Variants in KIAA1755 observed in about 807,000 individuals in gnomAD.
KIAA1755 encodes the protein uncharacterized protein KIAA1755.
A neutral mutation model predicts 91.7 loss-of-function variants in KIAA1755; 68 were observed. That is an observed-to-expected ratio of 0.74 (90% CI 0.61 to 0.91). The LOEUF is 0.91. Among genes scored for constraint, KIAA1755 ranks in the 40% least tolerant of loss-of-function variants. The probability of loss-of-function intolerance (pLI) is 0.00; values close to 1 mark genes in which losing one functional copy is unlikely to be tolerated. For missense variants in KIAA1755, 1,535 were observed against 1,494.4 expected (o/e 1.03, Z -0.45); for synonymous variants, 610 against 604.6 (o/e 1.01, Z -0.13).
chr20:38,259,740 T>TACAA (rs2076408652), intron 1 of KIAA1755, among the ~76,000 whole-genome samples: 4 of 151,462 alleles, frequency 2.6e-5, no homozygotes, highest in Non-Finnish European at 5.9e-5. Flanking sequence ...GGAGCTGGGC[T>TACAA]GAAATCCTCC....
At chr20:38,231,170 G>T (rs772302731) in intron 5 of KIAA1755, 32 bp downstream of exon 5, 10 of 1,597,690 alleles carry the variant, frequency 6.3e-6, no homozygotes, top group Non-Finnish European at 3.4e-6. Flanking sequence ...TTGAGGTGGG[G>T]ATGGAGCAGT....
At chr20:38,230,179 G>T (rs1436787871) in intron 5 of KIAA1755, among the ~76,000 whole-genome samples, 2 of 152,208 alleles carry the variant, frequency 1.3e-5, no homozygotes, top group East Asian at 3.8e-4. Context: ...GGTGGCAGGG[G>T]TAGGAGTGTT....
chr20:38,225,514 A>C (rs1365260392), intron 8 of KIAA1755, 151 bp downstream of exon 8: 1 of 660,466 alleles, frequency 1.5e-6, no homozygotes, highest in Non-Finnish European at 2.7e-6. Context: ...CTGAGCTCTT[A>C]ATCATTTGAC....
chr20:38,231,196 C>G lies in KIAA1755; in HGVS notation c.1871+6G>C. On this transcript the variant is annotated splice_donor_region_variant and intron_variant, in intron 5 of 13. Transcript: ENST00000279024. Reference sequence around the variant, plus strand: ...ATGGAGCAGTCAGGGTGGCCCAGATCCTTACCTGGGGATGGTACACAGGTA... The same window carrying G: ...ATGGAGCAGTCAGGGTGGCCCAGATGCTTACCTGGGGATGGTACACAGGTA... 4 of 1,611,196 alleles carry G rather than the reference C, an allele frequency of 2.5e-6. No homozygotes were observed. The highest frequency in any genetic ancestry group is 3.4e-6 in the Non-Finnish European group (4 of 1,178,656).
intron 1 of KIAA1755, among the ~76,000 whole-genome samples, chr20:38,254,881 A>C (rs890839734): frequency 6.6e-6 from 1 of 151,990 alleles, no homozygotes; most frequent in African/African-American, 2.4e-5. Flanking sequence ...AGAAGGTTTA[A>C]AAAGATCTGT....
chr20:38,219,593 C>A, intron 11 of KIAA1755, 37 bp downstream of exon 11: 1 of 1,611,074 alleles, frequency 6.2e-7, no homozygotes, highest in Non-Finnish European at 8.5e-7. Flanking sequence ...TGTGGCCAGG[C>A]AGAACCCCCA....
chr20:38,234,162 T>C (rs1467819299), intron 4 of KIAA1755, among the ~76,000 whole-genome samples: 2 of 152,196 alleles, frequency 1.3e-5, no homozygotes, highest in African/African-American at 4.8e-5. Context: ...ATGGCAGTCC[T>C]GGGACACTAA....
Position 38,222,446 on chromosome 20 carries a change from T to C in KIAA1755, c.2417+3A>G. On this transcript the variant is annotated splice_donor_region_variant and intron_variant, in intron 10 of 13. Coordinates refer to ENST00000279024, the MANE Select transcript of KIAA1755 (RefSeq NM_001029864.2). Reference sequence around the variant, plus strand: ...GGAAGAGGAAAGGCCTGGACGTCTGTACCTGACATCAGGGCTGAAGTCCAG... The same window carrying C: ...GGAAGAGGAAAGGCCTGGACGTCTGCACCTGACATCAGGGCTGAAGTCCAG... 6.2e-7 allele frequency: 1 copy of C among 1,612,318 alleles called. No homozygotes were observed. The highest frequency in any genetic ancestry group is 1.1e-5 in the South Asian group (1 of 90,964).
intron 1 of KIAA1755, among the ~76,000 whole-genome samples, chr20:38,252,591 T>C (rs1428802216): frequency 6.6e-6 from 1 of 152,164 alleles, no homozygotes; most frequent in African/African-American, 2.4e-5. Flanking sequence ...CCCCTCTGCC[T>C]GGGGACCACC....
rs773714000 is a variant in KIAA1755, at chr20:38,214,968, C to T, written c.2902-1225G>A. On this transcript the variant is annotated intron_variant, in intron 13 of 13. Coordinates refer to ENST00000279024, the MANE Select transcript of KIAA1755 (RefSeq NM_001029864.2). ...ATGGCTTCATATTCGTGCAAGCACA[C>T]GGAGCTCATGGCCGGGAAAGAGCTC... Among the ~76,000 whole-genome samples, 121 of 152,318 alleles carry T rather than the reference C, an allele frequency of 7.9e-4. 1 individual carries two copies. The highest frequency in any genetic ancestry group is 2.9e-4 in the Non-Finnish European group (20 of 68,036).
At chr20:38,251,132 AAAAAT>A (rs1179317700) in intron 1 of KIAA1755, among the ~76,000 whole-genome samples, 3 of 152,158 alleles carry the variant, frequency 2.0e-5, no homozygotes, top group African/African-American at 7.2e-5. Flanking sequence ...TTTAAAAAAT[AAAAAT>A]AAACAATGAA....
chr20:38,223,476 C>A (rs778362449), intron 9 of KIAA1755, 62 bp downstream of exon 9: 73 of 1,172,716 alleles, frequency 6.2e-5, no homozygotes, highest in Non-Finnish European at 8.6e-5. Flanking sequence ...CTTCTCGAAG[C>A]CCTTGGTCCA....
At chr20:38,228,071 C>T (rs980138951) in intron 6 of KIAA1755, 76 bp downstream of exon 6, 2 of 1,101,038 alleles carry the variant, frequency 1.8e-6, no homozygotes, top group Admixed American at 2.6e-5. Flanking sequence ...TAAGCACCCC[C>T]GGACTCTATG....
chr20:38,245,266 A>T (rs1027589825), intron 2 of KIAA1755, among the ~76,000 whole-genome samples: 3 of 152,190 alleles, frequency 2.0e-5, no homozygotes, highest in African/African-American at 4.8e-5. Flanking sequence ...CCTGGGTTCC[A>T]GCCTTGTGGG....
At chr20:38,224,036 G>A (rs924995010) in intron 8 of KIAA1755, among the ~76,000 whole-genome samples, 2 of 152,174 alleles carry the variant, frequency 1.3e-5, no homozygotes, top group Admixed American at 1.3e-4. Flanking sequence ...ATTTTCAGCT[G>A]AGTCCCACTT....
intron 7 of KIAA1755, 76 bp downstream of exon 7, chr20:38,227,078 C>G: frequency 9.3e-7 from 1 of 1,070,366 alleles, no homozygotes; most frequent in South Asian, 1.4e-5. Context: ...TTCTGCAGTT[C>G]TCCCTCTCCT....
chr20:38,242,906 A>C (rs1288666393), intron 2 of KIAA1755, among the ~76,000 whole-genome samples: 1 of 152,246 alleles, frequency 6.6e-6, no homozygotes, highest in Admixed American at 6.5e-5. Flanking sequence ...CAAAACTTTA[A>C]AAAGAAATTT....
At chr20:38,221,812 C>A (rs752693794) in intron 10 of KIAA1755, among the ~76,000 whole-genome samples, 1 of 152,154 alleles carries the variant, frequency 6.6e-6, no homozygotes, top group African/African-American at 2.4e-5. Context: ...CAATTACTGA[C>A]CAATTTAATG....
Position 38,213,383 on chromosome 20 carries a change from C to A in KIAA1755, c.3262G>T (p.Gly1088Trp). 1 of 1,603,106 alleles carries A rather than the reference C, an allele frequency of 6.2e-7. No homozygotes were observed. ...TCTAGTGGAGGCTGATCCCACCTCCCCTTGGAAGTGACCTCTACACTCACA... is the reference window on the plus strand; with the variant it reads ...TCTAGTGGAGGCTGATCCCACCTCCACTTGGAAGTGACCTCTACACTCACA... ...QGVSVEVTSK[G>W]RWDQPPLDSL... The change falls in exon 14 of 14, where the codon GGG becomes TGG. Residue 1088 changes from glycine (G) to tryptophan (W), a missense_variant. By Grantham distance (184) the Gly-to-Trp change is radical. Transcript: ENST00000279024.
Sources: allele counts gnomAD v4.1 joint callset (sites outside exome capture counted in the v4.1 genomes callset), GRCh38; gene constraint gnomAD v4.1.1; transcripts MANE v1.5; gene names NCBI Gene and HGNC (gene_info 2026-07-23, HGNC 2026-07-21).